CNBD1: variants seen among roughly 807,000 people sequenced by gnomAD.
CNBD1 encodes cyclic nucleotide-binding domain-containing protein 1.
A neutral mutation model predicts 54.4 loss-of-function variants in CNBD1; 71 were observed. That is an observed-to-expected ratio of 1.30 (90% CI 1.08 to 1.59). The LOEUF is 1.59. CNBD1 is among the 40% of genes most tolerant of loss of function. The pLI, the probability that CNBD1 is intolerant of heterozygous loss-of-function variation, is 0.00. For missense variants in CNBD1, 659 were observed against 518.0 expected (o/e 1.27, Z -2.64); for synonymous variants, 182 against 170.7 (o/e 1.07, Z -0.51).
chr8:87,318,636 G>A (rs1385684733), intron 8 of CNBD1, among the ~76,000 whole-genome samples: 2 of 151,872 alleles, frequency 1.3e-5, no homozygotes, highest in Non-Finnish European at 2.9e-5. Context: ...GTCAGTAAAG[G>A]AATTAGATAG....
chr8:87,291,632 G>A (rs115125711), intron 8 of CNBD1, among the ~76,000 whole-genome samples: 2,795 of 151,942 alleles, frequency 0.018, 73 homozygotes, highest in African/African-American at 0.064. Flanking sequence ...ATCTTATTTT[G>A]TTAATCGCCT....
chr8:87,261,569 G>A (rs575102292), intron 6 of CNBD1, among the ~76,000 whole-genome samples: 6 of 151,064 alleles, frequency 4.0e-5, no homozygotes, highest in East Asian at 3.9e-4. Context: ...TACATAAATC[G>A]GCAGTGAGGT....
At chr8:87,254,866 G>A (rs1807980477) in intron 6 of CNBD1, among the ~76,000 whole-genome samples, 1 of 152,178 alleles carries the variant, frequency 6.6e-6, no homozygotes, top group South Asian at 2.1e-4. Context: ...AATGGGGCAA[G>A]AAGAATGTCA....
intron 4 of CNBD1, among the ~76,000 whole-genome samples, chr8:87,132,826 C>CAT (rs1276963962): frequency 2.3e-4 from 34 of 147,006 alleles, no homozygotes; most frequent in Admixed American, 4.8e-4. Context: ...TATACACACA[C>CAT]ATATATATAT....
At chr8:87,074,367 A>G (rs534025006) in intron 4 of CNBD1, among the ~76,000 whole-genome samples, 1 of 152,080 alleles carries the variant, frequency 6.6e-6, no homozygotes, top group South Asian at 2.1e-4. Flanking sequence ...GGTGCTGTGA[A>G]ATTTGGGCCT....
chr8:86,943,304 G>A lies in CNBD1; in HGVS notation c.431+3550G>A, dbSNP rs189712143. On this transcript the variant is annotated intron_variant, in intron 4 of 10. Coordinates refer to ENST00000518476, the MANE Select transcript of CNBD1 (RefSeq NM_173538.3). ...GCTGAGGCAGGAATTGCTTGAACGC[G>A]GGAGGCGAGCCGAGATTGGGCCACT... Among the ~76,000 whole-genome samples the A allele has an allele frequency of 2.4e-4, 35 of 148,880 alleles. No individual in the cohort carries two copies. In the East Asian group the frequency reaches 3.5e-3, roughly 15 times the overall value.
At chr8:86,891,396 A>C (rs139730253) in intron 2 of CNBD1, among the ~76,000 whole-genome samples, 4 of 152,042 alleles carry the variant, frequency 2.6e-5, no homozygotes, top group Non-Finnish European at 5.9e-5. Context: ...TCAATTTATT[A>C]TAACTGTGGG....
intron 4 of CNBD1, among the ~76,000 whole-genome samples, chr8:87,129,999 C>T (rs974305958): frequency 6.6e-6 from 1 of 152,046 alleles, no homozygotes; most frequent in African/African-American, 2.4e-5. Flanking sequence ...AGAGAGAGAA[C>T]TTGTGCAGGG....
chr8:87,315,154 A>G (rs71556431), intron 8 of CNBD1, among the ~76,000 whole-genome samples: 2 of 152,128 alleles, frequency 1.3e-5, no homozygotes, highest in Admixed American at 6.6e-5. Flanking sequence ...TTGGCATACA[A>G]TAAAAATATT....
At chr8:86,970,067 T>C (rs1808186462) in intron 4 of CNBD1, among the ~76,000 whole-genome samples, 1 of 152,116 alleles carries the variant, frequency 6.6e-6, no homozygotes, top group Non-Finnish European at 1.5e-5. Context: ...TTGCTGAATA[T>C]AGAATTCTAG....
intron 4 of CNBD1, among the ~76,000 whole-genome samples, chr8:87,165,963 TAC>T (rs1175138346): frequency 6.6e-6 from 1 of 151,890 alleles, no homozygotes; most frequent in African/African-American, 2.4e-5. Context: ...TGGAGCAAAA[TAC>T]AGTTTCTAGG....
intron 4 of CNBD1, among the ~76,000 whole-genome samples, chr8:87,143,753 GT>G (rs1185957708): frequency 6.6e-6 from 1 of 152,120 alleles, no homozygotes; most frequent in African/African-American, 2.4e-5. Flanking sequence ...AAATAGTAAT[GT>G]TTTCTGATGG....
intron 2 of CNBD1, among the ~76,000 whole-genome samples, chr8:87,420,379 CA>C (rs1807910543): frequency 6.6e-6 from 1 of 151,758 alleles, no homozygotes; most frequent in South Asian, 2.1e-4. Flanking sequence ...TCGGAAGGTA[CA>C]AAGAAAAGGA....
intron 4 of CNBD1, among the ~76,000 whole-genome samples, chr8:87,158,659 A>G (rs976693241): frequency 1.3e-5 from 2 of 152,142 alleles, no homozygotes; most frequent in Non-Finnish European, 2.9e-5. Flanking sequence ...GGGAGTTTAA[A>G]TCCAGAGACA....
chr8:87,080,122 A>G (rs1299361259), intron 4 of CNBD1, among the ~76,000 whole-genome samples: 1 of 152,102 alleles, frequency 6.6e-6, no homozygotes. Context: ...TTGAGCCTAC[A>G]TTTCTGGGTC....
chr8:87,364,663 G>A (rs1001288903), intron 10 of CNBD1, among the ~76,000 whole-genome samples: 1 of 151,362 alleles, frequency 6.6e-6, no homozygotes, highest in Non-Finnish European at 1.5e-5. Flanking sequence ...CTCTCTGATA[G>A]GCCCCAGTGT....
At chr8:87,177,395 G>GA (rs944367169) in intron 4 of CNBD1, among the ~76,000 whole-genome samples, 35 of 152,062 alleles carry the variant, frequency 2.3e-4, no homozygotes, top group Non-Finnish European at 3.7e-4. Context: ...TTCCAATATG[G>GA]AAAAAAATTG....
chr8:87,304,278 C>T (rs1180769317), intron 8 of CNBD1, among the ~76,000 whole-genome samples: 3 of 152,224 alleles, frequency 2.0e-5, no homozygotes, highest in African/African-American at 7.2e-5. Context: ...AAATGTGGCG[C>T]ATATACACCA....
rs141516703 is a variant in CNBD1 at position 87,304,638 on chromosome 8, AAAAT to A, written c.1042+17983_1042+17986del. On this transcript the variant is annotated intron_variant, in intron 8 of 10. Transcript: ENST00000518476. ...GTACCCTAGAACTTAAAGTATAATA[AAAAT>A]AAATAAATAAATAAAAATCACATAA... Among the ~76,000 whole-genome samples the A allele has an allele frequency of 6.6e-3, 1,003 of 152,222 alleles. 11 individuals are homozygous for A. The highest frequency in any genetic ancestry group is 0.023 in the African/African-American group (950 of 41,526).
Sources: gnomAD v4.1 joint callset for allele counts (sites outside exome capture counted in the v4.1 genomes callset) on GRCh38, gnomAD v4.1.1 for gene constraint, MANE v1.5 for transcripts, NCBI Gene and HGNC (gene_info 2026-07-23, HGNC 2026-07-21) for gene names.